IQGAP2: variants seen among roughly 807,000 people sequenced by gnomAD.
IQGAP2 encodes ras GTPase-activating-like protein IQGAP2.
IQGAP2 carries 173 observed loss-of-function variants against 201.3 expected under a neutral mutation model. The observed-to-expected ratio is 0.86, with a 90% CI of 0.76 to 0.98. IQGAP2 has a LOEUF of 0.98. IQGAP2 is among the 50% of genes least tolerant of loss of function. IQGAP2 has a pLI of 0.00. For missense variants in IQGAP2, 1,687 were observed against 1,864.8 expected (o/e 0.90, Z 1.76); for synonymous variants, 675 against 673.9 (o/e 1.00, Z -0.03).
At chr5:76,667,962 T>G (rs1743942224) in intron 22 of IQGAP2, among the ~76,000 whole-genome samples, 2 of 149,658 alleles carry the variant, frequency 1.3e-5, no homozygotes, top group Admixed American at 1.4e-4. Context: ...CACGGCAGCC[T>G]TGAAATACTG....
intron 15 of IQGAP2, among the ~76,000 whole-genome samples, chr5:76,634,632 G>A (rs1289300400): frequency 6.6e-6 from 1 of 152,110 alleles, no homozygotes; most frequent in Non-Finnish European, 1.5e-5. Context: ...AGCAATTAAA[G>A]ACTGATTCTC....
At chr5:76,679,461 G>A (rs987880566) in intron 28 of IQGAP2, among the ~76,000 whole-genome samples, 14 of 152,258 alleles carry the variant, frequency 9.2e-5, no homozygotes, top group East Asian at 5.8e-4. Flanking sequence ...GTGTGGAGGC[G>A]TCCGTGTGCA....
chr5:76,655,719 T>C (rs1372388602), intron 20 of IQGAP2, among the ~76,000 whole-genome samples: 1 of 152,166 alleles, frequency 6.6e-6, no homozygotes, highest in Admixed American at 6.5e-5. Context: ...AGTGCTGGGA[T>C]TACAGATTAA....
chr5:76,652,674 T>G (rs571764215), intron 17 of IQGAP2, 76 bp from the exon 18 acceptor site: 2 of 1,016,030 alleles, frequency 2.0e-6, no homozygotes, highest in South Asian at 2.5e-5. Flanking sequence ...GCCTGAGATG[T>G]GCTCTGCTCT....
rs1245626015 is a variant in IQGAP2 at position 76,606,160 on chromosome 5, A to T, written c.1233-19A>T. On this transcript the variant is annotated intron_variant, in intron 11 of 35. Transcript: ENST00000274364. Reference sequence around the variant, plus strand: ...ATGAATGTCTCTAATTAACATCAAGATTATTTTCTCTTCCACAGTTATGCA... The same window carrying T: ...ATGAATGTCTCTAATTAACATCAAGTTTATTTTCTCTTCCACAGTTATGCA... The T allele has an allele frequency of 5.1e-6, 8 of 1,573,420 alleles. No homozygotes were observed. The South Asian group carries it at 8.5e-5, about 17-fold the overall frequency.
intron 2 of IQGAP2, among the ~76,000 whole-genome samples, chr5:76,502,901 A>AT (rs34968249): frequency 0.045 from 6,440 of 142,222 alleles, 421 homozygotes; most frequent in African/African-American, 0.15. Context: ...ACAGCTGGCT[A>AT]TTTTTTTTTT....
At chr5:76,570,505 G>GA in intron 3 of IQGAP2, 75 bp from the exon 4 acceptor site, 3 of 986,732 alleles carry the variant, frequency 3.0e-6, no homozygotes, top group Non-Finnish European at 4.9e-6. Context: ...TCCTGTACAT[G>GA]AAAAAAGTTA....
intron 15 of IQGAP2, among the ~76,000 whole-genome samples, chr5:76,633,294 T>C (rs555653885): frequency 2.0e-5 from 3 of 152,328 alleles, no homozygotes; most frequent in East Asian, 3.9e-4. Context: ...AATCTGTAGG[T>C]AAATTTGAGA....
chr5:76,613,217 G>A (rs1161366010), intron 13 of IQGAP2, among the ~76,000 whole-genome samples: 2 of 152,220 alleles, frequency 1.3e-5, no homozygotes, highest in East Asian at 1.9e-4. Flanking sequence ...GGAGAGTGAG[G>A]GCTCATACAC....
chr5:76,423,956 G>A (rs1221846116), intron 1 of IQGAP2, among the ~76,000 whole-genome samples: 2 of 152,180 alleles, frequency 1.3e-5, no homozygotes, highest in African/African-American at 2.4e-5. Flanking sequence ...GCACCTGTAG[G>A]TTTAGCGAAC....
At chr5:76,619,809 C>T (rs188675526) in intron 13 of IQGAP2, among the ~76,000 whole-genome samples, 10 of 152,244 alleles carry the variant, frequency 6.6e-5, no homozygotes, top group East Asian at 5.8e-4. Flanking sequence ...TGAGCCACCG[C>T]GCCCGGCCAG....
intron 28 of IQGAP2, among the ~76,000 whole-genome samples, chr5:76,682,874 G>A (rs1289098687): frequency 2.6e-5 from 4 of 152,134 alleles, no homozygotes; most frequent in African/African-American, 9.7e-5. Flanking sequence ...GCTTCCCTTT[G>A]GCAGACCTTG....
chr5:76,596,325 C>T (rs1228146417), intron 9 of IQGAP2, among the ~76,000 whole-genome samples: 2 of 152,190 alleles, frequency 1.3e-5, no homozygotes, highest in East Asian at 3.8e-4. Flanking sequence ...CAAAACTCTG[C>T]AATCTCTGTC....
chr5:76,659,286 T>G (rs116727007), intron 21 of IQGAP2, among the ~76,000 whole-genome samples: 1,905 of 152,242 alleles, frequency 0.013, 16 homozygotes, highest in Non-Finnish European at 0.018. Flanking sequence ...TTTATATGAA[T>G]ACAAAAGAGA....
intron 11 of IQGAP2, among the ~76,000 whole-genome samples, chr5:76,605,936 G>A (rs546352133): frequency 1.1e-4 from 17 of 152,302 alleles, no homozygotes; most frequent in African/African-American, 3.6e-4. Flanking sequence ...AGTTAGGTAT[G>A]AGTTTCGATT....
At chr5:76,435,710 A>G (rs1752614339) in intron 1 of IQGAP2, among the ~76,000 whole-genome samples, 1 of 151,994 alleles carries the variant, frequency 6.6e-6, no homozygotes. Flanking sequence ...TTTTTTTTCT[A>G]GTCATGTGAA....
chr5:76,577,530 T>G (rs1477198537), intron 5 of IQGAP2, among the ~76,000 whole-genome samples: 1 of 152,256 alleles, frequency 6.6e-6, no homozygotes, highest in Non-Finnish European at 1.5e-5. Context: ...AAGCAATATT[T>G]ATTTAGTAAA....
chr5:76,689,977 T>C (rs1191921828), intron 30 of IQGAP2, among the ~76,000 whole-genome samples: 1 of 152,178 alleles, frequency 6.6e-6, no homozygotes. Flanking sequence ...ACAGTGGGGT[T>C]TGAGCACAGC....
chr5:76,483,826 A>C lies in IQGAP2; in HGVS notation c.146+22157A>C, dbSNP rs184242859. On this transcript the variant is annotated intron_variant, in intron 2 of 35. Coordinates refer to ENST00000274364, the MANE Select transcript of IQGAP2 (RefSeq NM_006633.5). The stretch of plus-strand genomic sequence containing the variant: ...CCCCACCCCATGCCAGCCAAGCAGA[A>C]TTGGGGGGATGGGGAGAGGACTCTA... 1.1e-3 allele frequency among the ~76,000 whole-genome samples: 174 copies of C among 152,260 alleles called. 1 individual carries two copies. In the East Asian group the frequency reaches 0.024, roughly 21 times the overall value.
Sources: gnomAD v4.1 joint callset for allele counts (sites outside exome capture counted in the v4.1 genomes callset) on GRCh38, gnomAD v4.1.1 for gene constraint, MANE v1.5 for transcripts, NCBI Gene and HGNC (gene_info 2026-07-23, HGNC 2026-07-21) for gene names.